CALD1: variants seen among roughly 807,000 people sequenced by gnomAD.
CALD1 encodes caldesmon.
CALD1 carries 33 observed loss-of-function variants against 99.9 expected under a neutral mutation model. The observed-to-expected ratio is 0.33, with a 90% confidence interval of 0.25 to 0.44. The LOEUF (loss-of-function observed/expected upper bound fraction) is 0.44, where lower values mean the gene tolerates loss of function less well. Among genes scored for constraint, CALD1 ranks in the 20% least tolerant of loss-of-function variants. CALD1 has a pLI of 1.00. For missense variants in CALD1, 861 were observed against 962.1 expected (o/e 0.89, Z 1.39); for synonymous variants, 310 against 325.0 (o/e 0.95, Z 0.50).
chr7:134,765,862 T>C (rs141485660), intron 1 of CALD1, among the ~76,000 whole-genome samples: 4,040 of 152,302 alleles, frequency 0.027, 199 homozygotes, highest in African/African-American at 0.09. Flanking sequence ...GGATTTCTCA[T>C]GAATGATTTA....
At chr7:134,916,286 T>A (rs1407596306) in intron 3 of CALD1, among the ~76,000 whole-genome samples, 1 of 152,132 alleles carries the variant, frequency 6.6e-6, no homozygotes, top group African/African-American at 2.4e-5. Flanking sequence ...CAGTGTCAGA[T>A]CTATCATATA....
intron 3 of CALD1, among the ~76,000 whole-genome samples, chr7:134,925,498 G>C (rs1444395388): frequency 2.0e-5 from 3 of 152,128 alleles, no homozygotes; most frequent in Non-Finnish European, 4.4e-5. Flanking sequence ...AAGAAAAGAG[G>C]TTTAACTGAC....
chr7:134,782,363 G>A (rs1385422946), intron 1 of CALD1, among the ~76,000 whole-genome samples: 2 of 152,190 alleles, frequency 1.3e-5, no homozygotes, highest in South Asian at 2.1e-4. Flanking sequence ...CGTTTTCTGC[G>A]TTAAGTTCTC....
At chr7:134,853,805 C>T (rs902621812) in intron 2 of CALD1, among the ~76,000 whole-genome samples, 5 of 152,134 alleles carry the variant, frequency 3.3e-5, no homozygotes, top group African/African-American at 9.7e-5. Flanking sequence ...GTTTGCTGCA[C>T]CCATCAACCC....
At chr7:134,888,033 G>T (rs373588741) in intron 3 of CALD1, among the ~76,000 whole-genome samples, 5 of 152,230 alleles carry the variant, frequency 3.3e-5, no homozygotes, top group Admixed American at 6.5e-5. Context: ...CTTGTGGTCC[G>T]GTCTCCCACC....
intron 3 of CALD1, among the ~76,000 whole-genome samples, chr7:134,922,814 G>A (rs1173441486): frequency 6.6e-6 from 1 of 152,132 alleles, no homozygotes; most frequent in African/African-American, 2.4e-5. Context: ...CTAAAACATG[G>A]TTATCTTGTT....
chr7:134,919,017 A>G (rs1804425196), intron 3 of CALD1, among the ~76,000 whole-genome samples: 1 of 152,180 alleles, frequency 6.6e-6, no homozygotes, highest in South Asian at 2.1e-4. Flanking sequence ...ATAAATTAAT[A>G]ATAGTAATAA....
In CALD1 at chr7:134,959,075, A is replaced by G. The variant is rs142173860; in HGVS notation, c.2061+785A>G. Among the ~76,000 whole-genome samples, 450 of 151,680 alleles carry G rather than the reference A, an allele frequency of 3.0e-3. 1 individual carries two copies. The highest frequency in any genetic ancestry group is 5.5e-3 in the Non-Finnish European group (372 of 67,912). ...ATTATTTTTCATAGCACTTAGCACA[A>G]TGTGAAATAAATACTTGTATAACTA... On this transcript the variant is annotated intron_variant, in intron 11 of 14. Transcript: ENST00000361675.
At chr7:134,793,599 T>A (rs187156857) in intron 1 of CALD1, among the ~76,000 whole-genome samples, 14 of 152,292 alleles carry the variant, frequency 9.2e-5, no homozygotes, top group Admixed American at 9.2e-4. Context: ...TTCTCTGTCT[T>A]AGGCCAGGGG....
chr7:134,929,020 G>A (rs1209532669), intron 4 of CALD1, 120 bp downstream of exon 4: 1 of 884,616 alleles, frequency 1.1e-6, no homozygotes, highest in East Asian at 2.8e-5. Flanking sequence ...AATCTAACTG[G>A]TTTAATTATT....
chr7:134,837,344 CTT>C (rs57250900), intron 1 of CALD1, among the ~76,000 whole-genome samples: 3 of 146,944 alleles, frequency 2.0e-5, no homozygotes. Context: ...TTTCGTTCTC[CTT>C]TTTTTTTTTT....
the CALD1 span, among the ~76,000 whole-genome samples, chr7:134,720,859 G>T: frequency 1.3e-5 from 2 of 152,208 alleles, no homozygotes; most frequent in Admixed American, 1.3e-4. Context: ...ATATTCATGG[G>T]CTTGTACAGT....
Position 134,904,752 on chromosome 7 carries a change from C to T in CALD1, c.72-24002C>T, listed in dbSNP as rs180858974. Among the ~76,000 whole-genome samples the T allele has an allele frequency of 5.3e-5, 8 of 152,088 alleles. No individual in the cohort carries two copies. In the East Asian group the frequency reaches 1.2e-3, roughly 22 times the overall value. ...AGAAAGCTAACTAATCTCCCTGCAT[C>T]GAGCTCTGATCCATCAATTCTCCGT... On this transcript the variant is annotated intron_variant, in intron 3 of 14. Coordinates refer to ENST00000361675, the MANE Select transcript of CALD1 (RefSeq NM_033138.4).
the CALD1 span, among the ~76,000 whole-genome samples, chr7:134,713,182 G>A: frequency 3.3e-5 from 5 of 152,222 alleles, no homozygotes; most frequent in South Asian, 8.3e-4. Flanking sequence ...TTCATTCCTC[G>A]TTTCCTAGAC....
At position 134,935,669 on chromosome 7, in the gene CALD1, C is replaced by G. The variant is rs779197293; in HGVS notation, c.1309-19C>G. ...GCTTCTTTTACTTGTGTGACCTTACCATTCTTGAAAATAAAAAGGGAGAAG... is the reference window on the plus strand; with the variant it reads ...GCTTCTTTTACTTGTGTGACCTTACGATTCTTGAAAATAAAAAGGGAGAAG... On this transcript the variant is annotated intron_variant, in intron 5 of 14. Transcript: ENST00000361675. 6.3e-7 allele frequency: 1 copy of G among 1,598,472 alleles called. No individual in the cohort carries two copies. The highest frequency in any genetic ancestry group is 1.7e-4 in the Middle Eastern group (1 of 6,040).
At chr7:134,728,342 T>G in the CALD1 span, among the ~76,000 whole-genome samples, 1 of 152,148 alleles carries the variant, frequency 6.6e-6, no homozygotes, top group Non-Finnish European at 1.5e-5. Flanking sequence ...AGAAGATTTA[T>G]GGACAGAAAA....
chr7:134,952,639 T>A (rs990281728), intron 9 of CALD1, among the ~76,000 whole-genome samples: 22 of 151,984 alleles, frequency 1.4e-4, no homozygotes, highest in Admixed American at 1.3e-3. Flanking sequence ...CCCAGCTAAT[T>A]TTTGTATTTT....
the CALD1 span, among the ~76,000 whole-genome samples, chr7:134,713,569 A>AT: frequency 6.6e-6 from 1 of 152,158 alleles, no homozygotes; most frequent in Non-Finnish European, 1.5e-5. Context: ...AAAAAGAAAC[A>AT]TTTTTTTAAA....
intron 3 of CALD1, chr7:134,920,708 T>C (rs1323822802): frequency 3.1e-6 from 4 of 1,284,906 alleles, no homozygotes; most frequent in Non-Finnish European, 4.1e-6. Context: ...ACCGGTCAAC[T>C]GTCTACTGGC....
Sources: allele counts gnomAD v4.1 joint callset (sites outside exome capture counted in the v4.1 genomes callset), GRCh38; gene constraint gnomAD v4.1.1; transcripts MANE v1.5; gene names NCBI Gene and HGNC (gene_info 2026-07-23, HGNC 2026-07-21).